The following ARHGAP42 variants were observed in gnomAD, a reference collection of about 807,000 sequenced individuals.
ARHGAP42 encodes the protein Rho GTPase activating protein 42, also known as rho GTPase-activating protein 42.
Under a neutral mutation model 125.0 loss-of-function variants are expected in ARHGAP42, and 63 were observed. The observed-to-expected ratio is 0.50, with a 90% CI of 0.41 to 0.62. The LOEUF (loss-of-function observed/expected upper bound fraction) is 0.62, where lower values mean the gene tolerates loss of function less well. Ranked by LOEUF, ARHGAP42 falls within the 20% of genes least tolerant of loss-of-function variation. The pLI, the probability that ARHGAP42 is intolerant of heterozygous loss-of-function variation, is 0.00. For synonymous variants in ARHGAP42, 339 were observed against 351.0 expected, an observed-to-expected ratio of 0.97 and a Z score of 0.38; for missense variants, 766 against 1,024.2, an observed-to-expected ratio of 0.75 and a Z score of 3.44.
intron 3 of ARHGAP42, among the ~76,000 whole-genome samples, chr11:100,801,883 C>T (rs983207373): frequency 1.3e-5 from 2 of 152,182 alleles, no homozygotes; most frequent in African/African-American, 4.8e-5. Context: ...GCTCTTTGTA[C>T]TGACCTTAAT....
At chr11:100,914,452 G>A (rs1185939386) in intron 5 of ARHGAP42, among the ~76,000 whole-genome samples, 1 of 151,290 alleles carries the variant, frequency 6.6e-6, no homozygotes, top group Non-Finnish European at 1.5e-5. Context: ...GTGACAAAGT[G>A]TGTCCAAAAA....
At chr11:100,905,520 A>G (rs1591284581) in intron 4 of ARHGAP42, among the ~76,000 whole-genome samples, 1 of 152,190 alleles carries the variant, frequency 6.6e-6, no homozygotes, top group Admixed American at 6.5e-5. Flanking sequence ...TAAAAGATCA[A>G]CGCTCATTGT....
chr11:100,891,436 C>T (rs1227798108), intron 4 of ARHGAP42, among the ~76,000 whole-genome samples: 3 of 126,594 alleles, frequency 2.4e-5, no homozygotes, highest in Non-Finnish European at 4.8e-5. Flanking sequence ...TTAAAAGCAT[C>T]GACTTTTTTT....
chr11:100,901,529 A>G (rs1471274251), intron 4 of ARHGAP42, among the ~76,000 whole-genome samples: 2 of 152,144 alleles, frequency 1.3e-5, no homozygotes, highest in African/African-American at 2.4e-5. Context: ...TGTGGAGTCT[A>G]TGGAGGCAGT....
At chr11:100,752,419 T>G (rs138886267) in intron 1 of ARHGAP42, among the ~76,000 whole-genome samples, 5 of 152,278 alleles carry the variant, frequency 3.3e-5, no homozygotes, top group African/African-American at 1.2e-4. Flanking sequence ...TTCTCACCAG[T>G]GGTAAGATCT....
chr11:100,828,324 C>T (rs989889267), intron 3 of ARHGAP42, among the ~76,000 whole-genome samples: 1 of 152,038 alleles, frequency 6.6e-6, no homozygotes. Flanking sequence ...TTGCTTAGAG[C>T]TTTCTTTATT....
chr11:100,974,338 A>T, intron 18 of ARHGAP42, 121 bp from the exon 19 acceptor site: 5 of 883,958 alleles, frequency 5.7e-6, no homozygotes, highest in Non-Finnish European at 8.0e-6. Flanking sequence ...AAAAGTTACA[A>T]TTGCTCTAGG....
chr11:100,856,718 A>G (rs2135136156), intron 3 of ARHGAP42, among the ~76,000 whole-genome samples: 2 of 152,222 alleles, frequency 1.3e-5, no homozygotes, highest in South Asian at 4.1e-4. Context: ...GAATAACTAC[A>G]TTTTAAATCA....
intron 4 of ARHGAP42, among the ~76,000 whole-genome samples, chr11:100,898,997 C>G (rs1437542350): frequency 6.6e-6 from 1 of 152,222 alleles, no homozygotes; most frequent in Non-Finnish European, 1.5e-5. Context: ...AAATTTCCCT[C>G]TACACACTGC....
intron 1 of ARHGAP42, among the ~76,000 whole-genome samples, chr11:100,748,065 C>T (rs983551602): frequency 3.3e-5 from 5 of 150,540 alleles, no homozygotes; most frequent in African/African-American, 9.8e-5. Context: ...CTGTCTAAGG[C>T]CACAGGATTA....
At chr11:100,941,993 C>CA (rs1053876396) in intron 9 of ARHGAP42, 109 bp downstream of exon 9, 20 of 835,212 alleles carry the variant, frequency 2.4e-5, no homozygotes, top group Admixed American at 9.9e-5. Context: ...TACACATTTA[C>CA]AAAAAAATAG....
chr11:100,823,629 T>A (rs1454683267), intron 3 of ARHGAP42, among the ~76,000 whole-genome samples: 2 of 152,144 alleles, frequency 1.3e-5, no homozygotes, highest in Non-Finnish European at 2.9e-5. Context: ...CTAGAGGGAA[T>A]ATTTTCTTTG....
chr11:100,837,666 CTTTTTTTTTTTTTTTT>C lies in ARHGAP42; in HGVS notation c.313-21872_313-21857del, dbSNP rs373059302. On this transcript the variant is annotated intron_variant, in intron 3 of 23. Coordinates refer to ENST00000298815, the MANE Select transcript of ARHGAP42 (RefSeq NM_152432.4). ...CAGTTCCCAGAATCTAGGTGTCATC[CTTTTTTTTTTTTTTTT>C]TTTTTTTTTTTTTTTAGTAAATATG... is the stretch of plus-strand genomic sequence containing the variant. 2.0e-4 allele frequency among the ~76,000 whole-genome samples: 12 copies of C among 61,042 alleles called. 1 individual carries two copies. Among genetic ancestry groups the C allele is most frequent in the African/African-American group, 7.8e-4 (11 of 14,174 alleles). 40.0% of individuals were successfully genotyped at this position (61,042 alleles called of 152,430 possible).
At chr11:100,843,597 C>G (rs1349974039) in intron 3 of ARHGAP42, among the ~76,000 whole-genome samples, 1 of 152,088 alleles carries the variant, frequency 6.6e-6, no homozygotes, top group East Asian at 1.9e-4. Flanking sequence ...TAAAAGAATT[C>G]AGCAAAGTTT....
chr11:100,894,685 A>G (rs781460974), intron 4 of ARHGAP42, among the ~76,000 whole-genome samples: 21 of 152,052 alleles, frequency 1.4e-4, no homozygotes, highest in Admixed American at 1.3e-3. Context: ...TGCCAGCACC[A>G]TTTGCTTCTT....
intron 13 of ARHGAP42, 107 bp from the exon 14 acceptor site, chr11:100,960,808 G>T: frequency 5.1e-6 from 3 of 591,178 alleles, no homozygotes; most frequent in Non-Finnish European, 8.4e-6. Flanking sequence ...CTGTGAAATT[G>T]GATAAGTAGC....
intron 23 of ARHGAP42, 70 bp from the exon 24 acceptor site, chr11:100,988,643 A>T: frequency 7.7e-7 from 1 of 1,297,202 alleles, no homozygotes; most frequent in Non-Finnish European, 1.1e-6. Context: ...GTGGGTGTTT[A>T]ACCCATCTGT....
At chr11:100,765,991 A>T (rs1323087282) in intron 1 of ARHGAP42, among the ~76,000 whole-genome samples, 2 of 152,222 alleles carry the variant, frequency 1.3e-5, no homozygotes, top group Non-Finnish European at 2.9e-5. Context: ...GTGCAAGAAA[A>T]GTTTTAAGTA....
At chr11:100,819,470 A>G (rs1864354515) in intron 3 of ARHGAP42, among the ~76,000 whole-genome samples, 1 of 152,094 alleles carries the variant, frequency 6.6e-6, no homozygotes, top group Non-Finnish European at 1.5e-5. Flanking sequence ...GTGCATGTGA[A>G]GGGAATGATG....
Sources: allele counts gnomAD v4.1 joint callset (sites outside exome capture counted in the v4.1 genomes callset), GRCh38; gene constraint gnomAD v4.1.1; transcripts MANE v1.5; gene names NCBI Gene and HGNC (gene_info 2026-07-23, HGNC 2026-07-21).